Variants in FAM184B observed in about 807,000 individuals in gnomAD.
The protein encoded by FAM184B is family with sequence similarity 184 member B.
FAM184B carries 111 observed loss-of-function variants against 135.9 expected under a neutral mutation model. That is an observed-to-expected ratio of 0.82 (90% CI 0.70 to 0.96). FAM184B has a LOEUF of 0.96. Ranked by LOEUF, FAM184B falls within the 40% of genes least tolerant of loss-of-function variation. The probability of loss-of-function intolerance (pLI) is 0.00; values close to 1 mark genes in which losing one functional copy is unlikely to be tolerated. For missense variants in FAM184B, 1,375 were observed against 1,323.9 expected (o/e 1.04, Z -0.60); for synonymous variants, 552 against 524.8 (o/e 1.05, Z -0.71).
At chr4:17,772,328 A>C (rs1008936978) in intron 1 of FAM184B, among the ~76,000 whole-genome samples, 1 of 152,078 alleles carries the variant, frequency 6.6e-6, no homozygotes, top group African/African-American at 2.4e-5. Flanking sequence ...CCCCACCCCC[A>C]AAACAGAGAC....
intron 8 of FAM184B, among the ~76,000 whole-genome samples, chr4:17,661,068 T>C (rs1715907365): frequency 6.6e-6 from 1 of 152,128 alleles, no homozygotes; most frequent in Non-Finnish European, 1.5e-5. Context: ...AAAGCCAGAC[T>C]ACCCAGCTCC....
chr4:17,691,685 CAAAAAA>C (rs56857959), intron 6 of FAM184B, among the ~76,000 whole-genome samples: 1 of 92,494 alleles, frequency 1.1e-5, no homozygotes, highest in African/African-American at 4.2e-5. Flanking sequence ...GATTCCATCT[CAAAAAA>C]AAAAAAAAAA....
intron 11 of FAM184B, among the ~76,000 whole-genome samples, chr4:17,651,597 G>C (rs926161590): frequency 1.3e-5 from 2 of 149,384 alleles, no homozygotes; most frequent in Non-Finnish European, 3.0e-5. Context: ...AATGTAACAG[G>C]GAACACTTAG....
chr4:17,641,382 G>A (rs1715305666), intron 13 of FAM184B, among the ~76,000 whole-genome samples: 1 of 150,206 alleles, frequency 6.7e-6, no homozygotes, highest in Non-Finnish European at 1.5e-5. Context: ...TCTCCGTAAG[G>A]TTGGATTTGA....
intron 6 of FAM184B, 65 bp downstream of exon 6, chr4:17,693,237 A>G (rs985092624): frequency 2.4e-6 from 3 of 1,266,696 alleles, no homozygotes; most frequent in Admixed American, 2.2e-5. Flanking sequence ...TTGGCTTCTC[A>G]GTTAGGTAGA....
intron 5 of FAM184B, among the ~76,000 whole-genome samples, chr4:17,693,777 A>G (rs1344183210): frequency 6.6e-6 from 1 of 152,194 alleles, no homozygotes; most frequent in Non-Finnish European, 1.5e-5. Context: ...TAGGAAAAGC[A>G]GTACAAAATT....
chr4:17,734,829 A>G (rs1337808093), intron 1 of FAM184B, among the ~76,000 whole-genome samples: 240 of 151,566 alleles, frequency 1.6e-3, no homozygotes, highest in African/African-American at 5.3e-3. Flanking sequence ...TCCCATTACT[A>G]GGTATATACC....
chr4:17,657,399 T>A (rs1001851869), intron 10 of FAM184B, among the ~76,000 whole-genome samples: 1 of 152,208 alleles, frequency 6.6e-6, no homozygotes, highest in Non-Finnish European at 1.5e-5. Context: ...TGCTCCTGAA[T>A]TGAATCCCTG....
chr4:17,675,145 T>G (rs534011813), intron 7 of FAM184B, among the ~76,000 whole-genome samples: 1 of 152,330 alleles, frequency 6.6e-6, no homozygotes, highest in South Asian at 2.1e-4. Context: ...TGAAATGTAT[T>G]TCTTTTCTTT....
intron 1 of FAM184B, among the ~76,000 whole-genome samples, chr4:17,765,366 A>C (rs1718642062): frequency 6.6e-6 from 1 of 152,198 alleles, no homozygotes; most frequent in African/African-American, 2.4e-5. Flanking sequence ...ACGTCTAGCA[A>C]ATAGAATCAA....
chr4:17,759,367 C>T (rs1718492439), intron 1 of FAM184B, among the ~76,000 whole-genome samples: 1 of 152,204 alleles, frequency 6.6e-6, no homozygotes, highest in Non-Finnish European at 1.5e-5. Flanking sequence ...TTCCCCTTTG[C>T]CTTCTGCCAC....
intron 1 of FAM184B, among the ~76,000 whole-genome samples, chr4:17,772,873 G>A (rs891479099): frequency 6.6e-6 from 1 of 152,258 alleles, no homozygotes; most frequent in African/African-American, 2.4e-5. Flanking sequence ...AGAAGACAAT[G>A]TGTGCTTCTA....
rs980166494 is a variant in FAM184B at position 17,630,119 on chromosome 4, C to T, written c.*2413G>A. 1 of 152,096 alleles carries T rather than the reference C, an allele frequency of 6.6e-6. No individual in the cohort carries two copies. Among genetic ancestry groups the T allele is most frequent in the Admixed American group, 6.6e-5 (1 of 15,264 alleles). 9.4% of individuals were successfully genotyped at this position (152,096 alleles called of 1,614,324 possible). ...TCAACTAGTAAAATTTTCTCCTTGC[C>T]CAGGGATCATGCTGAGTTTAAGGAC... is the stretch of plus-strand genomic sequence containing the variant. On this transcript the variant is annotated 3_prime_UTR_variant, in exon 18 of 18. Transcript: ENST00000265018.
chr4:17,711,505 A>G (rs766747092), intron 1 of FAM184B, among the ~76,000 whole-genome samples: 1 of 151,734 alleles, frequency 6.6e-6, no homozygotes, highest in African/African-American at 2.4e-5. Flanking sequence ...AACAAAAACA[A>G]AAAATGAAAA....
Position 17,781,372 on chromosome 4 carries a change from GGGCGT to G in FAM184B, c.-78_-74del. 7.1e-7 allele frequency: 1 copy of G among 1,404,288 alleles called. No homozygotes were observed. The highest frequency in any genetic ancestry group is 9.3e-7 in the Non-Finnish European group (1 of 1,073,332). The allele number at this position is 1,404,288 out of a possible 1,614,324, so 87.0% of individuals were successfully genotyped here. On this transcript the variant is annotated 5_prime_UTR_variant, in exon 1 of 18. Coordinates refer to ENST00000265018, the MANE Select transcript of FAM184B (RefSeq NM_015688.2). The surrounding 1 kb of genome is among the most constrained non-coding windows in gnomAD (Gnocchi z 6.5). ...ACCGTGTGCACGTGCGTGCGCGCGC[GGGCGT>G]GCGAGCGTGTGGGTTTCTCGGGAGA...
intron 5 of FAM184B, among the ~76,000 whole-genome samples, chr4:17,700,929 C>T (rs1028761425): frequency 1.3e-5 from 2 of 151,796 alleles, no homozygotes; most frequent in Non-Finnish European, 2.9e-5. Context: ...AAAAAAAAAT[C>T]TGAGATTTTG....
intron 10 of FAM184B, among the ~76,000 whole-genome samples, chr4:17,656,127 G>A (rs1037453605): frequency 3.3e-5 from 5 of 152,080 alleles, no homozygotes; most frequent in Non-Finnish European, 7.4e-5. Flanking sequence ...AGAGCCCCTG[G>A]AACTCCCCGC....
chr4:17,777,779 C>A (rs1718956405), intron 1 of FAM184B, among the ~76,000 whole-genome samples: 1 of 152,026 alleles, frequency 6.6e-6, no homozygotes, highest in Admixed American at 6.6e-5. Flanking sequence ...GGCTAGGAAG[C>A]AATATTGCAA....
chr4:17,740,351 C>CAAAAAAAA (rs55801096), intron 1 of FAM184B, among the ~76,000 whole-genome samples: 1 of 84,532 alleles, frequency 1.2e-5, no homozygotes, highest in African/African-American at 5.0e-5. Context: ...GACCCTGTCT[C>CAAAAAAAA]AAAAAAAAAA....
Sources: gnomAD v4.1 joint callset for allele counts (sites outside exome capture counted in the v4.1 genomes callset) on GRCh38, gnomAD v4.1.1 for gene constraint, Gnocchi (gnomAD v3.1) non-coding constraint, MANE v1.5 for transcripts, NCBI Gene and HGNC (gene_info 2026-07-23, HGNC 2026-07-21) for gene names.